Variants in MAMDC2 observed in about 807,000 individuals in gnomAD.
The protein encoded by MAMDC2 is MAM domain-containing protein 2.
Under a neutral mutation model 89.8 loss-of-function variants are expected in MAMDC2, and 57 were observed. The ratio of observed to expected loss-of-function variants is 0.63; its 90% CI spans 0.51 to 0.79. The LOEUF is 0.79. Ranked by LOEUF, MAMDC2 falls within the 30% of genes least tolerant of loss-of-function variation. The pLI is 0.00. For missense variants in MAMDC2, 800 were observed against 820.6 expected, an observed-to-expected ratio of 0.97 and a Z score of 0.31; for synonymous variants, 313 against 293.4, an observed-to-expected ratio of 1.07 and a Z score of -0.68.
intron 6 of MAMDC2, among the ~76,000 whole-genome samples, chr9:70,130,786 A>G (rs1323631194): frequency 6.6e-6 from 1 of 152,034 alleles, no homozygotes; most frequent in Non-Finnish European, 1.5e-5. Context: ...AAACAAAACA[A>G]AACAAAACAA....
chr9:70,091,448 C>A (rs1352187400), intron 2 of MAMDC2, among the ~76,000 whole-genome samples: 1 of 152,158 alleles, frequency 6.6e-6, no homozygotes, highest in East Asian at 1.9e-4. Context: ...CTAAAATACT[C>A]TTTTCACAGA....
intron 6 of MAMDC2, among the ~76,000 whole-genome samples, chr9:70,129,244 A>C (rs1430633368): frequency 2.0e-5 from 3 of 152,176 alleles, no homozygotes; most frequent in Middle Eastern, 3.2e-3. Context: ...ATAGTGAATA[A>C]GTCTCATAAG....
At chr9:70,126,573 C>T (rs2030561740) in intron 6 of MAMDC2, among the ~76,000 whole-genome samples, 158 bp downstream of exon 6, 2 of 152,218 alleles carry the variant, frequency 1.3e-5, no homozygotes, top group South Asian at 4.1e-4. Flanking sequence ...CCCTCTCCTG[C>T]TCTCCCTTCC....
intron 11 of MAMDC2, among the ~76,000 whole-genome samples, chr9:70,173,965 A>G (rs73448651): frequency 0.011 from 1,694 of 152,316 alleles, 22 homozygotes; most frequent in African/African-American, 0.038. Context: ...TCCTAACTTC[A>G]CAGGGTGGTT....
intron 2 of MAMDC2, among the ~76,000 whole-genome samples, chr9:70,056,521 C>T (rs1289257376): frequency 6.6e-6 from 1 of 152,180 alleles, no homozygotes; most frequent in Non-Finnish European, 1.5e-5. Context: ...ATTTAAACTA[C>T]TTATACATGG....
At chr9:70,218,257 C>T in intron 11 of MAMDC2, 80 bp from the exon 12 acceptor site, 2 of 1,455,474 alleles carry the variant, frequency 1.4e-6, no homozygotes, top group South Asian at 1.4e-5. Flanking sequence ...CTTGACTTGA[C>T]ACTCTGAAAG....
intron 12 of MAMDC2, among the ~76,000 whole-genome samples, chr9:70,224,483 GC>G (rs1027570714): frequency 8.5e-5 from 13 of 152,264 alleles, no homozygotes; most frequent in Non-Finnish European, 1.2e-4. Flanking sequence ...AACCTAGGGT[GC>G]CACTGGTACA....
At chr9:70,195,094 A>G (rs971057299) in intron 11 of MAMDC2, among the ~76,000 whole-genome samples, 3 of 152,110 alleles carry the variant, frequency 2.0e-5, no homozygotes, top group African/African-American at 7.2e-5. Flanking sequence ...ACGTACTAAA[A>G]ATGGAATCTA....
At chr9:70,174,981 C>T (rs1247977127) in intron 11 of MAMDC2, among the ~76,000 whole-genome samples, 2 of 152,172 alleles carry the variant, frequency 1.3e-5, no homozygotes, top group Non-Finnish European at 2.9e-5. Context: ...CCACCTTGGC[C>T]TCCCAAAGTG....
rs3071388 is a variant in MAMDC2, at chr9:70,149,207, CAAA to C, written c.1404+5404_1404+5406del. 3.2e-3 allele frequency among the ~76,000 whole-genome samples: 355 copies of C among 109,686 alleles called. 1 individual carries two copies. The highest frequency in any genetic ancestry group is 7.5e-3 in the South Asian group (23 of 3,070). The allele number at this position is 109,686 out of a possible 152,430, so 72.0% of individuals were successfully genotyped here. On this transcript the variant is annotated intron_variant, in intron 9 of 13. Coordinates refer to ENST00000377182, the MANE Select transcript of MAMDC2 (RefSeq NM_153267.5). ...TGGGTGACAGAGCAAGACCCCATCT[CAAA>C]AAAAAAAAAAAAAAAGAAATTATAA...
chr9:70,045,177 AC>A (rs1429031199), intron 2 of MAMDC2, among the ~76,000 whole-genome samples: 1 of 152,030 alleles, frequency 6.6e-6, no homozygotes, highest in Admixed American at 6.5e-5. Context: ...GTCTGCCTTG[AC>A]CCTGACAGTG....
At chr9:70,099,190 A>G (rs1828099424) in intron 2 of MAMDC2, among the ~76,000 whole-genome samples, 1 of 152,222 alleles carries the variant, frequency 6.6e-6, no homozygotes, top group South Asian at 2.1e-4. Context: ...ATCATTGTGA[A>G]TCTGATTAAT....
chr9:70,203,199 G>T (rs2033142341), intron 11 of MAMDC2, among the ~76,000 whole-genome samples: 1 of 152,088 alleles, frequency 6.6e-6, no homozygotes, highest in Non-Finnish European at 1.5e-5. Context: ...GGTACCGGTT[G>T]TTCCTTTCCA....
chr9:70,218,271 A>G, intron 11 of MAMDC2, 66 bp from the exon 12 acceptor site: 1 of 1,525,766 alleles, frequency 6.6e-7, no homozygotes, highest in Non-Finnish European at 8.9e-7. Context: ...CTGAAAGAAC[A>G]TTATGAAAGG....
chr9:70,185,407 A>G (rs1353353203), intron 11 of MAMDC2, among the ~76,000 whole-genome samples: 2 of 152,172 alleles, frequency 1.3e-5, no homozygotes, highest in African/African-American at 4.8e-5. Context: ...GAGCTTGGGC[A>G]CTGTGCTGGG....
At chr9:70,150,803 G>A (rs763983973) in intron 9 of MAMDC2, among the ~76,000 whole-genome samples, 7 of 151,966 alleles carry the variant, frequency 4.6e-5, no homozygotes, top group Non-Finnish European at 7.4e-5. Flanking sequence ...CAATATCTTC[G>A]TAGCTGGATC....
chr9:70,192,017 C>A (rs2032890517), intron 11 of MAMDC2, among the ~76,000 whole-genome samples: 1 of 152,086 alleles, frequency 6.6e-6, no homozygotes. Context: ...CCTTCCCAAC[C>A]CAGTGAGATC....
chr9:70,047,866 A>G lies in MAMDC2; in HGVS notation c.148+3169A>G, dbSNP rs530556944. On this transcript the variant is annotated intron_variant, in intron 2 of 13. Transcript: ENST00000377182. ...CCTTTGCTGCCTGAAATAGTTTCTGAGGTTCATGCCTTTGATTTACAGTAT... is the reference window on the plus strand; with the variant it reads ...CCTTTGCTGCCTGAAATAGTTTCTGGGGTTCATGCCTTTGATTTACAGTAT... 1.9e-3 allele frequency among the ~76,000 whole-genome samples: 294 copies of G among 152,284 alleles called. 2 individuals carry two copies. Among genetic ancestry groups the G allele is most frequent in the African/African-American group, 6.9e-3 (285 of 41,562 alleles).
In MAMDC2 at chr9:70,143,613, T is replaced by C; in HGVS notation, c.1198T>C (p.Tyr400His). The C allele has an allele frequency of 6.2e-7, 1 of 1,614,134 alleles. No individual in the cohort carries two copies. The highest frequency in any genetic ancestry group is 8.5e-7 in the Non-Finnish European group (1 of 1,179,954). ...TSQPGYIGRL[Y>H]GPSLPGNLQY... is the part of the protein sequence containing the mutation. ...TCAGCCTGGCTACATTGGAAGGCTC[T>C]ATGGGCCCTCCCTACCAGGAAACTT... Residue 400 changes from tyrosine to histidine, a missense_variant, in exon 9 of 14, where the codon TAT becomes CAT. Coordinates refer to ENST00000377182, the MANE Select transcript of MAMDC2 (RefSeq NM_153267.5).
Sources: allele counts gnomAD v4.1 joint callset (sites outside exome capture counted in the v4.1 genomes callset), GRCh38; gene constraint gnomAD v4.1.1; transcripts MANE v1.5; gene names NCBI Gene and HGNC (gene_info 2026-07-23, HGNC 2026-07-21).